ZBTB7C: variants seen among roughly 807,000 people sequenced by gnomAD.
ZBTB7C encodes the protein zinc finger and BTB domain containing 7C.
ZBTB7C carries 8 observed loss-of-function variants against 25.7 expected under a neutral mutation model. The observed-to-expected ratio is 0.31, with a 90% CI of 0.18 to 0.56. The LOEUF (loss-of-function observed/expected upper bound fraction) is 0.56. Among genes scored for constraint, ZBTB7C ranks in the 20% least tolerant of loss-of-function variants. ZBTB7C has a pLI of 0.91. For missense variants in ZBTB7C, 824 were observed against 855.2 expected (o/e 0.96, Z 0.46); for synonymous variants, 394 against 369.0 (o/e 1.07, Z -0.78).
At chr18:48,122,098 G>T (rs56139840) in intron 3 of ZBTB7C, among the ~76,000 whole-genome samples, 23,391 of 152,088 alleles carry the variant, frequency 0.15, 1,933 homozygotes, top group South Asian at 0.23. Flanking sequence ...CATCTAGATC[G>T]GGCTGTTCAT....
chr18:48,274,975 C>T (rs1005173244), intron 2 of ZBTB7C, among the ~76,000 whole-genome samples: 13 of 152,210 alleles, frequency 8.5e-5, no homozygotes, highest in Admixed American at 1.3e-4. Context: ...TGCTAATCAC[C>T]GGCCTTTCCT....
chr18:48,195,041 T>C (rs951866997), intron 2 of ZBTB7C, among the ~76,000 whole-genome samples: 4 of 152,100 alleles, frequency 2.6e-5, no homozygotes, highest in African/African-American at 9.7e-5. Context: ...TTCAGAGAAG[T>C]AGGAGTGAGT....
intron 4 of ZBTB7C, among the ~76,000 whole-genome samples, chr18:48,038,484 G>A (rs2144130166): frequency 7.9e-6 from 1 of 126,668 alleles, no homozygotes; most frequent in East Asian, 2.2e-4. Flanking sequence ...ACTCTTCTCT[G>A]GCAACTTCCA....
intron 3 of ZBTB7C, among the ~76,000 whole-genome samples, chr18:48,159,308 C>T (rs1308818672): frequency 6.6e-6 from 1 of 152,118 alleles, no homozygotes; most frequent in African/African-American, 2.4e-5. Context: ...CCTCAGTTTC[C>T]TTGTCTTTAA....
At chr18:48,361,398 C>G (rs1337398778) in intron 1 of ZBTB7C, among the ~76,000 whole-genome samples, 2 of 152,202 alleles carry the variant, frequency 1.3e-5, no homozygotes, top group Non-Finnish European at 2.9e-5. Context: ...AGCCCCATCA[C>G]AGAGTCTCAG....
intron 3 of ZBTB7C, among the ~76,000 whole-genome samples, chr18:48,175,919 G>A (rs992272530): frequency 4.3e-4 from 66 of 152,348 alleles, no homozygotes; most frequent in African/African-American, 1.5e-3. Context: ...AGGCAGTGCT[G>A]GAGTTGGAAA....
intron 2 of ZBTB7C, among the ~76,000 whole-genome samples, chr18:48,289,380 G>GA (rs1383883395): frequency 6.6e-6 from 1 of 152,062 alleles, no homozygotes; most frequent in Non-Finnish European, 1.5e-5. Flanking sequence ...AGAATGGTTG[G>GA]ATGATCTGTG....
intron 3 of ZBTB7C, among the ~76,000 whole-genome samples, chr18:48,112,047 G>T (rs1282313137): frequency 6.6e-6 from 1 of 152,068 alleles, no homozygotes; most frequent in Admixed American, 6.5e-5. Flanking sequence ...GTATGAAATT[G>T]TACATTTATA....
At chr18:48,351,141 C>T (rs762624741) in intron 1 of ZBTB7C, among the ~76,000 whole-genome samples, 23 of 152,066 alleles carry the variant, frequency 1.5e-4, no homozygotes, top group Non-Finnish European at 2.5e-4. Context: ...AACTAATGTA[C>T]ACACACACTC....
intron 3 of ZBTB7C, among the ~76,000 whole-genome samples, chr18:48,090,394 A>C (rs2038366646): frequency 6.6e-6 from 1 of 152,176 alleles, no homozygotes; most frequent in African/African-American, 2.4e-5. Flanking sequence ...AGTCCTTTGC[A>C]AGGACACCTA....
At chr18:48,223,918 G>A (rs1316279717) in intron 2 of ZBTB7C, among the ~76,000 whole-genome samples, 1 of 152,164 alleles carries the variant, frequency 6.6e-6, no homozygotes, top group Non-Finnish European at 1.5e-5. Context: ...AGACAGAAGC[G>A]GCTCACAGGA....
chr18:48,062,932 C>T (rs368289974), intron 3 of ZBTB7C, among the ~76,000 whole-genome samples: 3 of 152,296 alleles, frequency 2.0e-5, no homozygotes, highest in East Asian at 1.9e-4. Context: ...CGCTGGAACC[C>T]GCATTTTGCC....
At chr18:48,368,037 C>G (rs1187657072) in intron 1 of ZBTB7C, among the ~76,000 whole-genome samples, 1 of 151,790 alleles carries the variant, frequency 6.6e-6, no homozygotes, top group Non-Finnish European at 1.5e-5. Context: ...CCAAAAATCT[C>G]CAGGTTTCAA....
chr18:48,097,290 A>G (rs2144589451), intron 3 of ZBTB7C, among the ~76,000 whole-genome samples: 1 of 152,302 alleles, frequency 6.6e-6, no homozygotes, highest in South Asian at 2.1e-4. Context: ...GCTTGTCTGT[A>G]GATAGGAAGT....
intron 3 of ZBTB7C, among the ~76,000 whole-genome samples, chr18:48,126,602 G>C (rs536775759): frequency 6.6e-6 from 1 of 152,202 alleles, no homozygotes; most frequent in African/African-American, 2.4e-5. Flanking sequence ...TTGCAGTGGG[G>C]CCATTGTGAT....
intron 3 of ZBTB7C, among the ~76,000 whole-genome samples, chr18:48,104,179 T>C (rs1257288769): frequency 1.3e-5 from 2 of 152,192 alleles, no homozygotes; most frequent in African/African-American, 2.4e-5. Flanking sequence ...TATGAGACAT[T>C]TGGGTCAGGG....
At chr18:48,246,171 G>C (rs2043685943) in intron 2 of ZBTB7C, among the ~76,000 whole-genome samples, 1 of 152,118 alleles carries the variant, frequency 6.6e-6, no homozygotes, top group Admixed American at 6.6e-5. Flanking sequence ...ATAAAGCTTA[G>C]GCCGGGCGCG....
At chr18:48,195,353 A>T (rs1009182962) in intron 2 of ZBTB7C, among the ~76,000 whole-genome samples, 1 of 152,186 alleles carries the variant, frequency 6.6e-6, no homozygotes, top group Non-Finnish European at 1.5e-5. Flanking sequence ...AGGTAATTGA[A>T]TCATGGGGGC....
At chr18:48,208,428 G>GT (rs1406608774) in intron 2 of ZBTB7C, among the ~76,000 whole-genome samples, 3 of 151,830 alleles carry the variant, frequency 2.0e-5, no homozygotes, top group Non-Finnish European at 4.4e-5. Context: ...AATAAAATTG[G>GT]TTTTTTTCCT....
Sources: allele counts gnomAD v4.1 joint callset (sites outside exome capture counted in the v4.1 genomes callset), GRCh38; gene constraint gnomAD v4.1.1; transcripts MANE v1.5; gene names NCBI Gene and HGNC (gene_info 2026-07-23, HGNC 2026-07-21).